STXBP4: variants seen among roughly 807,000 people sequenced by gnomAD.
STXBP4 encodes syntaxin binding protein 4.
STXBP4 carries 55 observed loss-of-function variants against 76.1 expected under a neutral mutation model. The ratio of observed to expected loss-of-function variants is 0.72; its 90% CI spans 0.58 to 0.91. The LOEUF (loss-of-function observed/expected upper bound fraction) is 0.91, where lower values mean the gene tolerates loss of function less well. Ranked by LOEUF, STXBP4 falls within the 40% of genes least tolerant of loss-of-function variation. The pLI is 0.00. For missense variants in STXBP4, 618 were observed against 636.9 expected (o/e 0.97, Z 0.32); for synonymous variants, 201 against 220.2 (o/e 0.91, Z 0.77).
intron 4 of STXBP4, among the ~76,000 whole-genome samples, chr17:54,998,822 C>T (rs1354662252): frequency 6.9e-6 from 1 of 144,594 alleles, no homozygotes; most frequent in Non-Finnish European, 1.5e-5. Context: ...CTCATCTCTA[C>T]AAAAAATTTT....
intron 17 of STXBP4, among the ~76,000 whole-genome samples, chr17:55,148,673 G>T (rs1294411304): frequency 2.6e-5 from 4 of 152,066 alleles, no homozygotes; most frequent in African/African-American, 9.7e-5. Flanking sequence ...CGAGTAGCTG[G>T]GATTACAGGC....
In STXBP4 at chr17:55,094,227, C is replaced by T. The variant is rs116233277; in HGVS notation, c.1489+13044C>T. On this transcript the variant is annotated intron_variant, in intron 16 of 17. Transcript: ENST00000376352. ...TATGAGCAAGCAGGAGAACAGCATG[C>T]GATAAGGGTGGATATGTAGCAAGAA... Among the ~76,000 whole-genome samples the T allele has an allele frequency of 4.8e-3, 714 of 148,908 alleles. 6 individuals are homozygous for T. Among genetic ancestry groups the T allele is most frequent in the African/African-American group, 0.016 (664 of 40,548 alleles).
At chr17:55,141,245 T>C in intron 16 of STXBP4, 65 bp from the exon 17 acceptor site, 1 of 1,320,828 alleles carries the variant, frequency 7.6e-7, no homozygotes, top group Non-Finnish European at 1.1e-6. Flanking sequence ...GGGAGGTTTG[T>C]GTCCAGGAAA....
intron 16 of STXBP4, among the ~76,000 whole-genome samples, chr17:55,140,490 A>G (rs941027502): frequency 1.3e-5 from 2 of 152,136 alleles, no homozygotes; most frequent in African/African-American, 4.8e-5. Context: ...TAAAATCCTT[A>G]GCAGTACTTG....
At chr17:55,100,221 A>G (rs17745690) in intron 16 of STXBP4, among the ~76,000 whole-genome samples, 3,321 of 152,318 alleles carry the variant, frequency 0.022, 47 homozygotes, top group Non-Finnish European at 0.033. Context: ...TTGTTTAATT[A>G]TGTACATATC....
At chr17:55,155,173 CAT>C (rs995667477) in intron 17 of STXBP4, among the ~76,000 whole-genome samples, 1 of 152,096 alleles carries the variant, frequency 6.6e-6, no homozygotes, top group Admixed American at 6.5e-5. Context: ...TTCTCTTAAA[CAT>C]ATTTTAGAAT....
intron 12 of STXBP4, among the ~76,000 whole-genome samples, chr17:55,047,602 G>A (rs1362788175): frequency 1.3e-5 from 2 of 151,216 alleles, no homozygotes; most frequent in Non-Finnish European, 3.0e-5. Flanking sequence ...TTTTCACTTT[G>A]CATTATTCTT....
intron 12 of STXBP4, among the ~76,000 whole-genome samples, chr17:55,059,795 G>T (rs2078973234): frequency 6.6e-6 from 1 of 152,084 alleles, no homozygotes. Context: ...CAGAAAATAG[G>T]CAATGGAGGA....
intron 1 of STXBP4, among the ~76,000 whole-genome samples, chr17:54,977,721 T>A (rs2077492606): frequency 6.6e-6 from 1 of 152,240 alleles, no homozygotes; most frequent in Non-Finnish European, 1.5e-5. Flanking sequence ...TAGGATTATA[T>A]AAATAGCTGA....
At chr17:55,192,338 T>C in the STXBP4 span, among the ~76,000 whole-genome samples, 31 of 152,230 alleles carry the variant, frequency 2.0e-4, no homozygotes, top group Non-Finnish European at 1.9e-4. Flanking sequence ...GGAAAGGCAA[T>C]CCACTGTAAA....
the STXBP4 span, among the ~76,000 whole-genome samples, chr17:55,181,653 G>A: frequency 6.6e-5 from 10 of 152,050 alleles, no homozygotes; most frequent in African/African-American, 1.9e-4. Flanking sequence ...TAGAAAATCC[G>A]GACTTAAAAA....
the STXBP4 span, among the ~76,000 whole-genome samples, chr17:55,198,107 A>G: frequency 1.3e-5 from 2 of 152,250 alleles, no homozygotes; most frequent in Non-Finnish European, 2.9e-5. Context: ...GCCACTTGGC[A>G]TACACCCCAT....
chr17:55,177,407 C>T (rs2080435219), downstream of STXBP4, among the ~76,000 whole-genome samples: 1 of 152,160 alleles, frequency 6.6e-6, no homozygotes, highest in African/African-American at 2.4e-5. Context: ...TAGATTATTG[C>T]AAGCAGTGAA....
rs2080334257 is a variant in STXBP4, at chr17:55,161,237, A to G, written c.*1326A>G. 6.6e-6 allele frequency: 1 copy of G among 152,222 alleles called. No homozygotes were observed. The highest frequency in any genetic ancestry group is 1.5e-5 in the Non-Finnish European group (1 of 68,036). 9.4% of individuals were successfully genotyped at this position (152,222 alleles called of 1,614,324 possible). ...TGAATCCATTTAGGATTTGTGATTT[A>G]TGTCTTGAGTAATAATATAAAGTCA... On this transcript the variant is annotated 3_prime_UTR_variant, in exon 18 of 18. Transcript: ENST00000376352.
intron 16 of STXBP4, among the ~76,000 whole-genome samples, chr17:55,125,263 T>A (rs1392168547): frequency 6.6e-6 from 1 of 152,098 alleles, no homozygotes; most frequent in African/African-American, 2.4e-5. Flanking sequence ...AGAAGTTAGA[T>A]TACTATGTTT....
intron 11 of STXBP4, chr17:55,043,726 A>T (rs1170017870): frequency 7.6e-7 from 1 of 1,311,236 alleles, no homozygotes; most frequent in African/African-American, 1.5e-5. Flanking sequence ...CTTAAGGGAC[A>T]TCATGTTTTG....
At chr17:55,204,813 AAC>A in the STXBP4 span, among the ~76,000 whole-genome samples, 71 of 73,036 alleles carry the variant, frequency 9.7e-4, no homozygotes, top group Non-Finnish European at 1.0e-3. Flanking sequence ...TTCAAGATTA[AAC>A]ACACACACAC....
chr17:55,072,028 G>A (rs2079125804), intron 12 of STXBP4, among the ~76,000 whole-genome samples: 1 of 152,148 alleles, frequency 6.6e-6, no homozygotes, highest in Non-Finnish European at 1.5e-5. Context: ...TTTTGATAGA[G>A]CAAGTGGTTT....
intron 16 of STXBP4, among the ~76,000 whole-genome samples, chr17:55,140,405 T>C (rs572473539): frequency 1.3e-5 from 2 of 152,196 alleles, no homozygotes; most frequent in East Asian, 3.9e-4. Context: ...TTGTTAAAGG[T>C]CGGTTACTTT....
Sources: gnomAD v4.1 joint callset for allele counts (sites outside exome capture counted in the v4.1 genomes callset) on GRCh38, gnomAD v4.1.1 for gene constraint, MANE v1.5 for transcripts, NCBI Gene and HGNC (gene_info 2026-07-23, HGNC 2026-07-21) for gene names.